The following PCSK5 variants were observed in gnomAD, a reference collection of about 807,000 sequenced individuals.
PCSK5 encodes prohormone convertase 5.
Under a neutral mutation model 233.2 loss-of-function variants are expected in PCSK5, and 129 were observed. The observed-to-expected ratio is 0.55, with a 90% CI of 0.48 to 0.64. The LOEUF is 0.64. PCSK5 is among the 30% of genes least tolerant of loss of function. The probability of loss-of-function intolerance (pLI) is 0.00; values close to 1 mark genes in which losing one functional copy is unlikely to be tolerated. For missense variants in PCSK5, 2,076 were observed against 2,430.1 expected (o/e 0.85, Z 3.06); for synonymous variants, 825 against 879.2 (o/e 0.94, Z 1.09).
At chr9:76,179,973 C>T (rs1357055640) in intron 15 of PCSK5, among the ~76,000 whole-genome samples, 1 of 149,824 alleles carries the variant, frequency 6.7e-6, no homozygotes, top group East Asian at 2.0e-4. Context: ...GGTGGAGGAA[C>T]CAGCTAAGCA....
chr9:76,045,744 C>T (rs1433738836), intron 5 of PCSK5, among the ~76,000 whole-genome samples: 1 of 152,128 alleles, frequency 6.6e-6, no homozygotes, highest in Admixed American at 6.5e-5. Context: ...TTATGGTCTT[C>T]CTGGTTCTCT....
At chr9:76,231,713 C>T (rs1826091128) in intron 21 of PCSK5, among the ~76,000 whole-genome samples, 1 of 152,168 alleles carries the variant, frequency 6.6e-6, no homozygotes, top group Admixed American at 6.5e-5. Flanking sequence ...CTGGGATATT[C>T]CCCTTTGGCA....
intron 7 of PCSK5, among the ~76,000 whole-genome samples, chr9:76,079,015 CTT>C (rs1281641305): frequency 6.6e-6 from 1 of 151,680 alleles, no homozygotes. Flanking sequence ...AGTGTTTTCT[CTT>C]CTTCTTGTAG....
chr9:76,004,796 T>C (rs2131437441), intron 3 of PCSK5, among the ~76,000 whole-genome samples: 1 of 152,342 alleles, frequency 6.6e-6, no homozygotes, highest in East Asian at 1.9e-4. Context: ...CCATCAGTTT[T>C]TCAGTACTTC....
At chr9:76,151,124 G>T (rs112502109) in intron 10 of PCSK5, among the ~76,000 whole-genome samples, 1,877 of 152,162 alleles carry the variant, frequency 0.012, 51 homozygotes, top group African/African-American at 0.04. Context: ...TGCACATTTG[G>T]CCTGGTTTGA....
intron 1 of PCSK5, among the ~76,000 whole-genome samples, chr9:75,931,508 G>C (rs1236744517): frequency 1.3e-5 from 2 of 152,164 alleles, no homozygotes; most frequent in Admixed American, 6.5e-5. Flanking sequence ...TAGCTCTGGT[G>C]AGTGTCAGCT....
intron 1 of PCSK5, among the ~76,000 whole-genome samples, chr9:75,894,045 G>T (rs1168191282): frequency 6.6e-6 from 1 of 152,174 alleles, no homozygotes; most frequent in Admixed American, 6.5e-5. Flanking sequence ...ACCAGCTGTG[G>T]ATCAGCTGAG....
chr9:75,934,925 T>G lies in PCSK5; in HGVS notation c.297+2442T>G, dbSNP rs556498932. Among the ~76,000 whole-genome samples the G allele has an allele frequency of 3.3e-4, 50 of 152,210 alleles. No homozygotes were observed. In the South Asian group the frequency reaches 9.9e-3, roughly 30 times the overall value. On this transcript the variant is annotated intron_variant, in intron 2 of 37. Transcript: ENST00000674117. ...TTTGTTTTAATTTTCAGAAACTTTT[T>G]ATTTACAGAGAATTTGCAAACATGA...
chr9:76,262,622 C>T (rs374454336), intron 24 of PCSK5, among the ~76,000 whole-genome samples: 3 of 150,608 alleles, frequency 2.0e-5, no homozygotes, highest in Non-Finnish European at 4.4e-5. Context: ...ATACAAAAAT[C>T]AATTCAAGAT....
intron 34 of PCSK5, among the ~76,000 whole-genome samples, chr9:76,337,554 A>G (rs1296573078): frequency 6.6e-6 from 1 of 151,822 alleles, no homozygotes; most frequent in Non-Finnish European, 1.5e-5. Flanking sequence ...GCTCACTGCA[A>G]CCTCCACCAC....
At chr9:76,061,144 G>A (rs145018436) in intron 5 of PCSK5, among the ~76,000 whole-genome samples, 9 of 152,094 alleles carry the variant, frequency 5.9e-5, no homozygotes, top group African/African-American at 2.2e-4. Context: ...AAACTGCAAA[G>A]CATATTAACA....
At chr9:76,222,853 GA>G (rs143934351) in intron 20 of PCSK5, among the ~76,000 whole-genome samples, 24,555 of 151,996 alleles carry the variant, frequency 0.16, 2,558 homozygotes, top group South Asian at 0.24. Context: ...TATAGCTGGC[GA>G]AAAAAACATA....
At chr9:76,188,947 C>CT (rs370261285) in intron 18 of PCSK5, 147 bp from the exon 19 acceptor site, 11 of 752,718 alleles carry the variant, frequency 1.5e-5, no homozygotes, top group South Asian at 1.0e-4. Flanking sequence ...ACTTTGAAGG[C>CT]TTTTTTCCCA....
chr9:76,119,174 AG>A (rs1832542399), intron 9 of PCSK5, among the ~76,000 whole-genome samples: 1 of 152,088 alleles, frequency 6.6e-6, no homozygotes, highest in Admixed American at 6.6e-5. Context: ...TCACTCGAAA[AG>A]ATAATCTTTG....
At chr9:75,923,994 G>C (rs1044658164) in intron 1 of PCSK5, among the ~76,000 whole-genome samples, 1 of 152,090 alleles carries the variant, frequency 6.6e-6, no homozygotes, top group Non-Finnish European at 1.5e-5. Context: ...TTCTTTATAA[G>C]GACCCTTGTG....
chr9:76,033,973 G>C (rs1828750707), intron 5 of PCSK5, among the ~76,000 whole-genome samples: 1 of 152,194 alleles, frequency 6.6e-6, no homozygotes, highest in South Asian at 2.1e-4. Flanking sequence ...AACAGCCATA[G>C]ATTTTATATT....
At chr9:75,973,485 T>C (rs538980211) in intron 2 of PCSK5, among the ~76,000 whole-genome samples, 1 of 152,288 alleles carries the variant, frequency 6.6e-6, no homozygotes, top group East Asian at 1.9e-4. Context: ...AATACAGTCA[T>C]TAATTCTGTA....
chr9:76,041,499 C>T (rs1829114028), intron 5 of PCSK5, among the ~76,000 whole-genome samples: 1 of 152,184 alleles, frequency 6.6e-6, no homozygotes, highest in African/African-American at 2.4e-5. Flanking sequence ...TGTGTTTTGC[C>T]TCTGTCTTCA....
At chr9:75,937,920 T>C (rs1824130625) in intron 2 of PCSK5, among the ~76,000 whole-genome samples, 1 of 152,226 alleles carries the variant, frequency 6.6e-6, no homozygotes, top group South Asian at 2.1e-4. Flanking sequence ...AGGGCATTGC[T>C]CTGGATTAGG....
Sources: gnomAD v4.1 joint callset for allele counts (sites outside exome capture counted in the v4.1 genomes callset) on GRCh38, gnomAD v4.1.1 for gene constraint, MANE v1.5 for transcripts, NCBI Gene and HGNC (gene_info 2026-07-23, HGNC 2026-07-21) for gene names.